The following TAF5L variants were observed in gnomAD, a reference collection of about 807,000 sequenced individuals.
TAF5L encodes the protein TATA-box binding protein associated factor 5 like.
A neutral mutation model predicts 51.3 loss-of-function variants in TAF5L; 7 were observed. That is an observed-to-expected ratio of 0.14 (90% CI 0.08 to 0.26). The LOEUF (loss-of-function observed/expected upper bound fraction) is 0.26, where lower values mean the gene tolerates loss of function less well. Among genes scored for constraint, TAF5L ranks in the 10% least tolerant of loss-of-function variants. TAF5L has a pLI of 1.00. For missense variants in TAF5L, 575 were observed against 758.9 expected (o/e 0.76, Z 2.85); for synonymous variants, 291 against 308.1 (o/e 0.94, Z 0.58).
chr1:229,604,243 T>C lies in TAF5L; in HGVS notation c.248-1324A>G, dbSNP rs115319406. 3.7e-3 allele frequency among the ~76,000 whole-genome samples: 569 copies of C among 152,166 alleles called. 4 individuals carry two copies. Among genetic ancestry groups the C allele is most frequent in the African/African-American group, 0.013 (550 of 41,506 alleles). ...CTGAGGAATACTGCATCAGAGAATC[T>C]TGCTCCCTAATTTGATGATAAAAGA... On this transcript the variant is annotated intron_variant, in intron 3 of 4. Transcript: ENST00000258281.
chr1:229,607,215 A>G (rs1474271327), intron 3 of TAF5L: 1 of 985,210 alleles, frequency 1.0e-6, no homozygotes, highest in African/African-American at 1.7e-5. Context: ...AGCCTTGGAG[A>G]TTCCACCTTG....
At chr1:229,616,376 T>A (rs77516790) in intron 1 of TAF5L, among the ~76,000 whole-genome samples, 3,883 of 79,360 alleles carry the variant, frequency 0.049, 158 homozygotes, top group African/African-American at 0.13. Flanking sequence ...TTATTTATAT[T>A]TTTTTTTTTA....
At chr1:229,607,559 A>G (rs1664641467) in intron 3 of TAF5L, 1 of 866,478 alleles carries the variant, frequency 1.2e-6, no homozygotes, top group Non-Finnish European at 1.4e-6. Context: ...GCTGACTTAA[A>G]GCCTACCTCC....
chr1:229,597,331 TGCATGGGCTAGGA>T (rs977894187), intron 4 of TAF5L, among the ~76,000 whole-genome samples: 1 of 152,182 alleles, frequency 6.6e-6, no homozygotes, highest in African/African-American at 2.4e-5. Context: ...GAGATGAAGG[TGCATGGGCTAGGA>T]GCATGGGCTG....
In TAF5L at chr1:229,594,630, G is replaced by A. The variant is rs776574322; in HGVS notation, c.1437C>T (p.Asn479=). The A allele has an allele frequency of 4.6e-5, 74 of 1,614,072 alleles. No individual in the cohort carries two copies. The highest frequency in any genetic ancestry group is 1.6e-4 in the Middle Eastern group (1 of 6,084). Residue 479 remains asparagine (N), a synonymous_variant, in exon 5 of 5, where the codon AAC becomes AAT. Transcript: ENST00000258281. This position sits in a 1 kb window ranked among gnomAD's most constrained non-coding sequence, Gnocchi z 7.9. ...CGCCAGCAGACGCCAAGTACTTACC[G>A]TTGGGAGAAAAGGCGAGAGAAAGCA...
In TAF5L at chr1:229,594,080, C is replaced by T; in HGVS notation, c.*217G>A. 1.8e-6 allele frequency: 1 copy of T among 557,980 alleles called. No homozygotes were observed. The allele number at this position is 557,980 out of a possible 1,614,324, so 34.6% of individuals were successfully genotyped here. ...GAGTGACCTCCAGGGCACTCTAATT[C>T]TTGATCACTCATCATTGCCTCTCTC... On this transcript the variant is annotated 3_prime_UTR_variant, in exon 5 of 5. Transcript: ENST00000258281. The surrounding 1 kb of genome is among the most constrained non-coding windows in gnomAD (Gnocchi z 7.9).
intron 3 of TAF5L, among the ~76,000 whole-genome samples, chr1:229,604,362 A>G (rs1664504793): frequency 6.6e-6 from 1 of 152,198 alleles, no homozygotes; most frequent in Non-Finnish European, 1.5e-5. Flanking sequence ...ATTTTAGAAT[A>G]AATGTATCCC....
chr1:229,620,446 C>T (rs1320442892), intron 1 of TAF5L, among the ~76,000 whole-genome samples: 1 of 152,192 alleles, frequency 6.6e-6, no homozygotes, highest in Non-Finnish European at 1.5e-5. Flanking sequence ...AGCCAAAGTA[C>T]ATGACAAATC....
At chr1:229,618,621 T>G (rs1309692117) in intron 1 of TAF5L, among the ~76,000 whole-genome samples, 1 of 152,174 alleles carries the variant, frequency 6.6e-6, no homozygotes, top group Non-Finnish European at 1.5e-5. Context: ...ACAGCCACAC[T>G]TAACATTCAA....
In TAF5L at chr1:229,602,163, G is replaced by A. The variant is rs747146382; in HGVS notation, c.972+32C>T. 7.4e-5 allele frequency: 118 copies of A among 1,591,550 alleles called. No individual in the cohort carries two copies. Among genetic ancestry groups the A allele is most frequent in the East Asian group, 9.0e-5 (4 of 44,630 alleles). On this transcript the variant is annotated intron_variant, in intron 4 of 4. Transcript: ENST00000258281. The surrounding 1 kb of genome is among the most constrained non-coding windows in gnomAD (Gnocchi z 4.6). ...GACATTCTAAGGAAATTAGGAAGGCGGGTGCAGGGAAGAAAAAAATGGTAT... is the reference window on the plus strand; with the variant it reads ...GACATTCTAAGGAAATTAGGAAGGCAGGTGCAGGGAAGAAAAAAATGGTAT...
At chr1:229,595,020 C>A (rs1400504092) in exon 5 of TAF5L, 1 of 1,614,190 alleles carries the variant, frequency 6.2e-7, no homozygotes, top group Non-Finnish European at 8.5e-7. Context: ...CCGCGAGGAA[C>A]CTCGTGCTGT....
In TAF5L at chr1:229,602,684, G is replaced by T. The variant is rs1258731062; in HGVS notation, c.483C>A (p.Asn161Lys). The T allele has an allele frequency of 1.1e-5, 17 of 1,614,072 alleles. No individual in the cohort carries two copies. The highest frequency in any genetic ancestry group is 1.4e-5 in the Non-Finnish European group (17 of 1,180,046). ...CTTCTTGGAGACGGACCACGTACTT[G>T]TTATCTAGGAATGCTCGAAGCTTGA... Residue 161 changes from asparagine to lysine, a missense_variant, in exon 4 of 5, where the codon AAC becomes AAA. Physicochemically the swap from Asn to Lys is moderately conservative, Grantham distance 94 (BLOSUM62 0). Around this residue, in one of 3 missense-constraint regions of TAF5L, gnomAD observed 380 missense variants for 443.7 expected, o/e 0.86. Coordinates refer to ENST00000258281, the Ensembl canonical transcript of TAF5L. The surrounding 1 kb of genome is among the most constrained non-coding windows in gnomAD (Gnocchi z 4.6).
intron 4 of TAF5L, among the ~76,000 whole-genome samples, chr1:229,598,708 T>C (rs1327632240): frequency 1.4e-5 from 2 of 146,018 alleles, no homozygotes; most frequent in Middle Eastern, 3.6e-3. Flanking sequence ...TTTTTTTTTC[T>C]TTTTTTTTGA....
At chr1:229,623,591 G>A (rs1281688015) in intron 1 of TAF5L, among the ~76,000 whole-genome samples, 2 of 152,102 alleles carry the variant, frequency 1.3e-5, no homozygotes, top group African/African-American at 2.4e-5. Flanking sequence ...TTCCACACAC[G>A]AACCCAGGAA....
At chr1:229,610,970 T>C (rs1207784759) in intron 2 of TAF5L, among the ~76,000 whole-genome samples, 2 of 152,234 alleles carry the variant, frequency 1.3e-5, no homozygotes, top group Non-Finnish European at 2.9e-5. Flanking sequence ...CCATCTGCCC[T>C]TCTTATGAGA....
At chr1:229,604,230 G>T (rs1421749492) in intron 3 of TAF5L, among the ~76,000 whole-genome samples, 1 of 149,232 alleles carries the variant, frequency 6.7e-6, no homozygotes, top group Non-Finnish European at 1.5e-5. Context: ...GAGGAATACT[G>T]CATCAGAGAA....
intron 2 of TAF5L, among the ~76,000 whole-genome samples, chr1:229,611,050 C>A (rs1664767921): frequency 6.6e-6 from 1 of 151,772 alleles, no homozygotes; most frequent in African/African-American, 2.4e-5. Context: ...TGAGGCTCAT[C>A]CTCCAGGGTG....
At chr1:229,601,150 G>A (rs549759950) in intron 4 of TAF5L, 5 of 985,020 alleles carry the variant, frequency 5.1e-6, no homozygotes, top group African/African-American at 1.8e-5. Flanking sequence ...ATACTGTCTC[G>A]GTTGCAAGAA....
At position 229,602,245 on chromosome 1, in the gene TAF5L, G is replaced by C. The variant is rs1469456083; in HGVS notation, c.922C>G (p.Gln308Glu). The C allele has an allele frequency of 8.1e-6, 13 of 1,614,162 alleles. No individual in the cohort carries two copies. The highest frequency in any genetic ancestry group is 1.1e-5 in the Non-Finnish European group (13 of 1,180,002). Residue 308 changes from glutamine to glutamate, a missense_variant, in exon 4 of 5, where the codon CAA (glutamine) becomes GAA (glutamate). By Grantham distance (29) the Gln-to-Glu change is conservative. This residue lies in a region of TAF5L where 380 missense variants were observed against 443.7 expected (regional missense o/e 0.86). Coordinates refer to ENST00000258281, the Ensembl canonical transcript of TAF5L. The surrounding 1 kb of genome is among the most constrained non-coding windows in gnomAD (Gnocchi z 4.6). ...AAATGGATGCGGGACACGTCTACTT[G>C]GTGGGGCTCTGATTTTAACTTCTTG...
Sources: gnomAD v4.1 joint callset for allele counts (sites outside exome capture counted in the v4.1 genomes callset) on GRCh38, gnomAD v4.1.1 for gene constraint, gnomAD v4.1.1 regional missense constraint, Gnocchi (gnomAD v3.1) non-coding constraint, MANE v1.5 for transcripts, NCBI Gene and HGNC (gene_info 2026-07-23, HGNC 2026-07-21) for gene names.